TMEM132C: variants seen among roughly 807,000 people sequenced by gnomAD.
The protein encoded by TMEM132C is protein phosphatase 1, regulatory subunit 152.
In TMEM132C, 29 loss-of-function variants were observed where a neutral mutation model predicts 61.4. The ratio of observed to expected loss-of-function variants is 0.47; its 90% CI spans 0.35 to 0.64. The LOEUF is 0.64. TMEM132C is among the 30% of genes least tolerant of loss of function. TMEM132C has a pLI of 0.00. For synonymous variants in TMEM132C, 656 were observed against 633.1 expected (o/e 1.04, Z -0.54); for missense variants, 1,408 against 1,476.9 (o/e 0.95, Z 0.76).
At chr12:128,536,334 T>A (rs1295072780) in intron 2 of TMEM132C, among the ~76,000 whole-genome samples, 1 of 151,788 alleles carries the variant, frequency 6.6e-6, no homozygotes, top group Non-Finnish European at 1.5e-5. Flanking sequence ...AGGTGGGAAT[T>A]GAACAATGAG....
At chr12:128,412,701 G>A (rs75458986) in intron 1 of TMEM132C, among the ~76,000 whole-genome samples, 1 of 152,136 alleles carries the variant, frequency 6.6e-6, no homozygotes, top group Non-Finnish European at 1.5e-5. Flanking sequence ...ATGTGGTACT[G>A]TGAGTCCATT....
intron 1 of TMEM132C, among the ~76,000 whole-genome samples, chr12:128,346,852 CTATCCCTATGTTAGT>C (rs1873174058): frequency 2.0e-5 from 3 of 152,156 alleles, no homozygotes; most frequent in Admixed American, 6.5e-5. Flanking sequence ...ATCTGTATGT[CTATCCCTATGTTAGT>C]TCCATGAAGT....
At chr12:128,672,876 G>A (rs1490620742) in intron 5 of TMEM132C, among the ~76,000 whole-genome samples, 1 of 152,220 alleles carries the variant, frequency 6.6e-6, no homozygotes, top group African/African-American at 2.4e-5. Flanking sequence ...AAGGCTCTGA[G>A]ATTGCACCCT....
At chr12:128,277,494 T>G (rs1870732057) in intron 1 of TMEM132C, among the ~76,000 whole-genome samples, 1 of 152,230 alleles carries the variant, frequency 6.6e-6, no homozygotes, top group Admixed American at 6.5e-5. Flanking sequence ...ACTACAGCCT[T>G]TCGCCCACTT....
At chr12:128,593,641 C>T (rs73426488) in intron 3 of TMEM132C, among the ~76,000 whole-genome samples, 4,048 of 152,262 alleles carry the variant, frequency 0.027, 184 homozygotes, top group African/African-American at 0.091. Flanking sequence ...GCCTACTTTA[C>T]GGCATTGTTT....
At chr12:128,553,759 A>G (rs865854925) in intron 3 of TMEM132C, among the ~76,000 whole-genome samples, 1 of 152,020 alleles carries the variant, frequency 6.6e-6, no homozygotes, top group Non-Finnish European at 1.5e-5. Flanking sequence ...TGCCCTTCCT[A>G]ACTTTATTTT....
At chr12:128,579,958 T>TG (rs72524754) in intron 3 of TMEM132C, among the ~76,000 whole-genome samples, 930 of 77,278 alleles carry the variant, frequency 0.012, 6 homozygotes, top group Middle Eastern at 0.1. Flanking sequence ...GTAAAGAGGA[T>TG]GGGAGGTTCA....
At position 128,616,135 on chromosome 12, in the gene TMEM132C, T is replaced by C. The variant is rs1876790798; in HGVS notation, c.1122-17T>C. ...GAACAAAGTTGGCTTAAAGCCAGTT[T>C]CTTTTCTCTCTTCCAGGAGCAGCAG... On this transcript the variant is annotated splice_polypyrimidine_tract_variant and intron_variant, in intron 3 of 8. Coordinates refer to ENST00000435159, the MANE Select transcript of TMEM132C (RefSeq NM_001136103.3). 2 of 1,548,300 alleles carry C rather than the reference T, an allele frequency of 1.3e-6. No homozygotes were observed. The highest frequency in any genetic ancestry group is 1.7e-6 in the Non-Finnish European group (2 of 1,145,324).
intron 2 of TMEM132C, among the ~76,000 whole-genome samples, chr12:128,517,233 CAAATAAAT>C (rs59000862): frequency 0.082 from 11,721 of 142,734 alleles, 1,257 homozygotes; most frequent in East Asian, 0.3. Flanking sequence ...TCCGTCTCAA[CAAATAAAT>C]AAATAAATAA....
chr12:128,370,332 C>A (rs1873993050), intron 1 of TMEM132C, among the ~76,000 whole-genome samples: 1 of 152,144 alleles, frequency 6.6e-6, no homozygotes, highest in South Asian at 2.1e-4. Context: ...ATAGCATAAG[C>A]ATAACCAGAA....
intron 1 of TMEM132C, among the ~76,000 whole-genome samples, chr12:128,397,844 C>T (rs190560580): frequency 6.6e-6 from 1 of 152,102 alleles, no homozygotes; most frequent in African/African-American, 2.4e-5. Context: ...TTCCCTATTG[C>T]GACTGGCCAC....
chr12:128,525,335 TC>T lies in TMEM132C; in HGVS notation c.975-18621del, dbSNP rs1382064648. 1.4e-4 allele frequency among the ~76,000 whole-genome samples: 21 copies of T among 147,952 alleles called. 1 individual carries two copies. In the South Asian group the frequency reaches 4.1e-3, roughly 29 times the overall value. ...CTTTGCACTTCTCTCTCTCTCTCTC[TC>T]TCTCTCTTTCTCTCTCTCTCTCTCT... On this transcript the variant is annotated intron_variant, in intron 2 of 8. Transcript: ENST00000435159.
intron 2 of TMEM132C, among the ~76,000 whole-genome samples, chr12:128,441,567 G>T (rs948548432): frequency 1.3e-5 from 2 of 152,176 alleles, no homozygotes; most frequent in Admixed American, 6.5e-5. Context: ...GATACTTTGT[G>T]TCCCCTGCAG....
intron 1 of TMEM132C, among the ~76,000 whole-genome samples, chr12:128,291,436 G>A (rs1299225227): frequency 6.6e-6 from 1 of 152,222 alleles, no homozygotes; most frequent in Non-Finnish European, 1.5e-5. Flanking sequence ...CTGAGGGGCT[G>A]AGCTGCCTGC....
At chr12:128,650,714 C>T (rs1445498394) in intron 4 of TMEM132C, among the ~76,000 whole-genome samples, 1 of 152,080 alleles carries the variant, frequency 6.6e-6, no homozygotes, top group African/African-American at 2.4e-5. Context: ...GCCTGGGCAA[C>T]ACAGCAAGAC....
At chr12:128,620,195 G>A (rs1420423296) in intron 4 of TMEM132C, among the ~76,000 whole-genome samples, 1 of 134,716 alleles carries the variant, frequency 7.4e-6, no homozygotes, top group East Asian at 2.2e-4. Flanking sequence ...TGGTGCCACT[G>A]CATTCCCAGC....
At chr12:128,482,222 C>T (rs1477548233) in intron 2 of TMEM132C, among the ~76,000 whole-genome samples, 2 of 152,276 alleles carry the variant, frequency 1.3e-5, no homozygotes, top group Middle Eastern at 3.4e-3. Context: ...GTTGAACCAG[C>T]CTTGCATCCC....
intron 1 of TMEM132C, among the ~76,000 whole-genome samples, chr12:128,276,888 G>GCACA (rs1870709579): frequency 1.2e-5 from 1 of 85,804 alleles, no homozygotes; most frequent in Admixed American, 1.3e-4. Context: ...ATGCATGTGC[G>GCACA]TGCATGCACA....
chr12:128,462,472 C>T (rs111649058), intron 2 of TMEM132C, among the ~76,000 whole-genome samples: 2 of 152,104 alleles, frequency 1.3e-5, no homozygotes, highest in Non-Finnish European at 2.9e-5. Context: ...GTTTCCCTTG[C>T]GTTCTTGTGT....
Sources: allele counts gnomAD v4.1 joint callset (sites outside exome capture counted in the v4.1 genomes callset), GRCh38; gene constraint gnomAD v4.1.1; transcripts MANE v1.5; gene names NCBI Gene and HGNC (gene_info 2026-07-23, HGNC 2026-07-21).